Variants in HEG1 observed in about 807,000 individuals in gnomAD.
HEG1 encodes protein HEG homolog 1.
A neutral mutation model predicts 125.6 loss-of-function variants in HEG1; 56 were observed. The ratio of observed to expected loss-of-function variants is 0.45; its 90% CI spans 0.36 to 0.56. The LOEUF (loss-of-function observed/expected upper bound fraction) is 0.56. Among genes scored for constraint, HEG1 ranks in the 20% least tolerant of loss-of-function variants. HEG1 has a pLI of 0.00. For synonymous variants in HEG1, 644 were observed against 668.5 expected (o/e 0.96, Z 0.57); for missense variants, 1,523 against 1,670.0 (o/e 0.91, Z 1.53).
intron 1 of HEG1, among the ~76,000 whole-genome samples, chr3:125,053,910 G>C (rs1937870272): frequency 1.3e-5 from 2 of 152,200 alleles, no homozygotes; most frequent in Non-Finnish European, 2.9e-5. Context: ...GAGAAGGAAA[G>C]AGACTCATGT....
Position 125,012,978 on chromosome 3 carries a change from G to A in HEG1, c.2601C>T (p.Val867=). 6.2e-7 allele frequency: 1 copy of A among 1,614,064 alleles called. No homozygotes were observed. Among genetic ancestry groups the A allele is most frequent in the Admixed American group, 1.7e-5 (1 of 60,032 alleles). Reference sequence around the variant, plus strand: ...TAGTCTGTACGGCTATAGGGCCAGTGACCAGAGATGCTGTGCTTGACAGGG... The same window carrying A: ...TAGTCTGTACGGCTATAGGGCCAGTAACCAGAGATGCTGTGCTTGACAGGG... ...PGTLSSTASL[V]TGPIAVQTTA... The change falls in exon 6 of 17, where the codon GTC becomes GTT. Residue 867 remains valine, a synonymous_variant. Transcript: ENST00000311127.
chr3:125,008,573 G>C (rs1377186729), intron 8 of HEG1, among the ~76,000 whole-genome samples: 1 of 152,244 alleles, frequency 6.6e-6, no homozygotes, highest in East Asian at 1.9e-4. Context: ...GGCCAAGGCA[G>C]GCAGATCACT....
At position 125,055,566 on chromosome 3, in the gene HEG1, C is replaced by G; in HGVS notation, c.316+9G>C. On this transcript the variant is annotated intron_variant, in intron 1 of 16. Coordinates refer to ENST00000311127, the MANE Select transcript of HEG1 (RefSeq NM_020733.2). ...CTGGCCAGGCGCCAGGTTCCCGGCT[C>G]TCACTCACCCGCGCTCCCGCCTCTG... 2 of 1,204,292 alleles carry G rather than the reference C, an allele frequency of 1.7e-6. No homozygotes were observed. Among genetic ancestry groups the G allele is most frequent in the South Asian group, 4.2e-5 (1 of 24,026 alleles). The allele number at this position is 1,204,292 out of a possible 1,614,324, so 74.6% of individuals were successfully genotyped here.
At chr3:125,018,860 C>A (rs1187804715) in intron 5 of HEG1, among the ~76,000 whole-genome samples, 2 of 145,574 alleles carry the variant, frequency 1.4e-5, no homozygotes, top group South Asian at 2.1e-4. Context: ...TTCATTCATG[C>A]ATGCTTTTTT....
At chr3:125,007,628 A>G (rs1268818279) in intron 8 of HEG1, among the ~76,000 whole-genome samples, 2 of 152,200 alleles carry the variant, frequency 1.3e-5, no homozygotes, top group African/African-American at 4.8e-5. Flanking sequence ...CAAATATATT[A>G]CTTTACTTGA....
chr3:125,005,665 C>T (rs1439423908), intron 8 of HEG1, among the ~76,000 whole-genome samples: 1 of 152,118 alleles, frequency 6.6e-6, no homozygotes, highest in Non-Finnish European at 1.5e-5. Flanking sequence ...TAGCAATGTC[C>T]CTAGGATGGC....
In HEG1 at chr3:124,989,040, T is replaced by G. The variant is rs1229413104; in HGVS notation, c.3733+1747A>C. On this transcript the variant is annotated intron_variant, in intron 14 of 16. Transcript: ENST00000311127. ...TCTGAGGCTATCTTCTGTAACCTCT[T>G]GCTAGTCTGCAGTCAAGATAAATCA... Among the ~76,000 whole-genome samples, 6 of 152,336 alleles carry G rather than the reference T, an allele frequency of 3.9e-5. No individual in the cohort carries two copies. In the East Asian group the frequency reaches 1.2e-3, roughly 29 times the overall value.
intron 1 of HEG1, among the ~76,000 whole-genome samples, chr3:125,040,604 C>G (rs549816339): frequency 6.6e-6 from 1 of 152,204 alleles, no homozygotes; most frequent in African/African-American, 2.4e-5. Flanking sequence ...ATAACATTGT[C>G]TTAGATACCA....
intron 1 of HEG1, among the ~76,000 whole-genome samples, chr3:125,044,297 T>C (rs561233507): frequency 6.6e-6 from 1 of 152,242 alleles, no homozygotes; most frequent in African/African-American, 2.4e-5. Flanking sequence ...AAAAAATCAG[T>C]TGTATGCCAT....
chr3:125,007,194 G>A (rs1439432167), intron 8 of HEG1, among the ~76,000 whole-genome samples: 1 of 110,900 alleles, frequency 9.0e-6, no homozygotes, highest in Non-Finnish European at 1.7e-5. Flanking sequence ...GCGAGACTCC[G>A]TCTCAAAAAA....
Position 125,013,509 on chromosome 3 carries a change from T to A in HEG1, c.2070A>T (p.Ser690=), listed in dbSNP as rs753669339. The A allele has an allele frequency of 1.2e-6, 2 of 1,612,580 alleles. No homozygotes were observed. Among genetic ancestry groups the A allele is most frequent in the Admixed American group, 1.7e-5 (1 of 59,774 alleles). Residue 690 remains serine (S), a synonymous_variant, in exon 6 of 17, where the codon TCA becomes TCT. Transcript: ENST00000311127. ...SVSQSHHLFS[S]ILPSTRASVH... ...CAGAGGCCCTGGTTGATGGTAAAAT[T>A]GATGAAAATAAATGGTGGGATTGTG...
intron 12 of HEG1, among the ~76,000 whole-genome samples, chr3:124,997,237 G>A (rs1936935752): frequency 6.6e-6 from 1 of 152,126 alleles, no homozygotes; most frequent in Admixed American, 6.5e-5. Flanking sequence ...GAAACAAAGT[G>A]ACTTGCCCAA....
chr3:124,970,651 C>T lies in HEG1; in HGVS notation c.*1G>A. The T allele has an allele frequency of 6.3e-7, 1 of 1,595,818 alleles. No individual in the cohort carries two copies. The highest frequency in any genetic ancestry group is 8.5e-7 in the Non-Finnish European group (1 of 1,170,778). ...GCAATGAGTCCCTCTCTCTCCTGGA[C>T]TTAAAAGTAGTCTCTTCTTCTGCTT... On this transcript the variant is annotated 3_prime_UTR_variant, in exon 17 of 17. Transcript: ENST00000311127.
In HEG1 at chr3:124,968,617, G is replaced by A. The variant is rs76346285; in HGVS notation, c.*2035C>T. On this transcript the variant is annotated 3_prime_UTR_variant, in exon 17 of 17. Coordinates refer to ENST00000311127, the MANE Select transcript of HEG1 (RefSeq NM_020733.2). ...GAGGAGATGATTTGTCAGCTGTGAC[G>A]TCAGCTGAAGGCAGTGGAAGTGTAT... The A allele has an allele frequency of 0.019, 2,906 of 152,290 alleles. 54 individuals carry two copies. The highest frequency in any genetic ancestry group is 0.031 in the Non-Finnish European group (2,088 of 68,032). The allele number at this position is 152,290 out of a possible 1,614,324, so 9.4% of individuals were successfully genotyped here.
intron 4 of HEG1, among the ~76,000 whole-genome samples, chr3:125,020,137 G>A (rs535105979): frequency 2.0e-5 from 3 of 152,252 alleles, no homozygotes; most frequent in Non-Finnish European, 4.4e-5. Flanking sequence ...AGTTTGAAGA[G>A]TGGGCCAGGC....
At chr3:124,971,459 C>A (rs982216806) in intron 16 of HEG1, among the ~76,000 whole-genome samples, 2 of 146,786 alleles carry the variant, frequency 1.4e-5, no homozygotes, top group African/African-American at 5.1e-5. Context: ...TCTTTTTTTA[C>A]CTTTCCCTCT....
chr3:125,010,228 G>GA (rs1937137111), intron 7 of HEG1, among the ~76,000 whole-genome samples: 1 of 152,176 alleles, frequency 6.6e-6, no homozygotes. Context: ...GGAGTGTTGG[G>GA]AACAGACACA....
chr3:125,038,211 G>GA (rs1467403985), intron 1 of HEG1, among the ~76,000 whole-genome samples: 2 of 152,162 alleles, frequency 1.3e-5, no homozygotes, highest in Non-Finnish European at 1.5e-5. Flanking sequence ...TCTGACAAAA[G>GA]CACTGAGGCT....
chr3:125,042,770 A>G (rs2333040), intron 1 of HEG1, among the ~76,000 whole-genome samples: 64,899 of 152,146 alleles, frequency 0.43, 16,298 homozygotes, highest in Middle Eastern at 0.6. Context: ...CCTCCGGATG[A>G]GGGGGATTTC....
Sources: gnomAD v4.1 joint callset for allele counts (sites outside exome capture counted in the v4.1 genomes callset) on GRCh38, gnomAD v4.1.1 for gene constraint, MANE v1.5 for transcripts, NCBI Gene and HGNC (gene_info 2026-07-23, HGNC 2026-07-21) for gene names.